Variants in GSE1 observed in about 807,000 individuals in gnomAD.
GSE1 encodes Gse1 coiled-coil protein.
In GSE1, 32 loss-of-function variants were observed where a neutral mutation model predicts 112.6. The ratio of observed to expected loss-of-function variants is 0.28; its 90% CI spans 0.21 to 0.38. The LOEUF (loss-of-function observed/expected upper bound fraction) is 0.38. GSE1 is among the 10% of genes least tolerant of loss of function. The pLI is 1.00. For missense variants in GSE1, 2,348 were observed against 1,699.2 expected (o/e 1.38, Z -6.71); for synonymous variants, 1,115 against 735.6 (o/e 1.52, Z -8.35).
chr16:85,169,698 G>A lies in GSE1; in HGVS notation c.174G>A (p.Ala58=), dbSNP rs1307095364. Residue 58 remains alanine, a synonymous_variant, in exon 1 of 3, where the codon GCG becomes GCA. Transcript: ENST00000637419. ...CGGCGGCGGGCGCGGGGACCCCGGC[G>A]CAGCCCTTCTTCCCGTTCCTGCAGC... The A allele has an allele frequency of 2.8e-5, 28 of 983,438 alleles. No homozygotes were observed. The East Asian group carries it at 2.8e-3, about 97-fold the overall frequency. The allele number at this position is 983,438 out of a possible 1,614,324, so 60.9% of individuals were successfully genotyped here.
At chr16:85,642,559 A>G (rs942472500) in intron 2 of GSE1, among the ~76,000 whole-genome samples, 7 of 152,210 alleles carry the variant, frequency 4.6e-5, no homozygotes, top group African/African-American at 7.2e-5. Context: ...CTCCATCGGC[A>G]GCATGGGCTA....
At chr16:85,661,851 C>T (rs1034742727) in intron 9 of GSE1, 86 bp downstream of exon 9, 20 of 1,302,828 alleles carry the variant, frequency 1.5e-5, no homozygotes, top group Non-Finnish European at 1.9e-5. Context: ...CTGCCCCTCT[C>T]CGTCCACTCC....
At chr16:85,296,031 T>C (rs1023991940) in intron 1 of GSE1, among the ~76,000 whole-genome samples, 5 of 152,152 alleles carry the variant, frequency 3.3e-5, no homozygotes, top group African/African-American at 1.2e-4. Flanking sequence ...ACAGCTCTCC[T>C]CGGAGCCAGT....
intron 1 of GSE1, among the ~76,000 whole-genome samples, chr16:85,261,962 G>A (rs1173141914): frequency 2.0e-5 from 3 of 152,142 alleles, no homozygotes; most frequent in Admixed American, 1.3e-4. Flanking sequence ...CATGCCTTAT[G>A]TCGGGATGTT....
chr16:85,672,541 G>A lies in GSE1; in HGVS notation c.*2G>A, dbSNP rs150429647. On this transcript the variant is annotated 3_prime_UTR_variant, in exon 16 of 16. Transcript: ENST00000253458. ...TACCTGAAGGGATATCCCAGGTGAC[G>A]GTTTCCCTTGCACTAGGCCGAACCT... 1,263 of 1,600,000 alleles carry A rather than the reference G, an allele frequency of 7.9e-4. 6 individuals are homozygous for A. In the African/African-American group the frequency reaches 0.013, roughly 16 times the overall value.
chr16:85,387,972 A>G, intron 2 of GSE1, among the ~76,000 whole-genome samples: 1 of 133,968 alleles, frequency 7.5e-6, no homozygotes, highest in Non-Finnish European at 1.6e-5. Flanking sequence ...GGGTAGGTAG[A>G]TGGGTGAGTG....
At chr16:85,613,292 C>A (rs551030631), upstream of GSE1, 25 of 1,539,832 alleles carry the variant, frequency 1.6e-5, no homozygotes, top group Non-Finnish European at 2.0e-5. Flanking sequence ...CCCGAGCTGC[C>A]GCCGCCGAGC....
intron 1 of GSE1, among the ~76,000 whole-genome samples, chr16:85,296,284 C>G (rs1324968338): frequency 6.6e-6 from 1 of 152,138 alleles, no homozygotes; most frequent in African/African-American, 2.4e-5. Flanking sequence ...CACCCAGGCA[C>G]AAAGCGGGGT....
At chr16:85,449,681 G>A (rs1227737202) in intron 2 of GSE1, among the ~76,000 whole-genome samples, 2 of 152,218 alleles carry the variant, frequency 1.3e-5, no homozygotes, top group Admixed American at 1.3e-4. Context: ...CTTTGAGGAG[G>A]GGCCAGGTGT....
At chr16:85,292,042 C>T (rs964641627) in intron 1 of GSE1, among the ~76,000 whole-genome samples, 5 of 152,184 alleles carry the variant, frequency 3.3e-5, no homozygotes, top group Admixed American at 1.3e-4. Context: ...CCCCCATATT[C>T]CCAGCTACTT....
At chr16:85,626,274 G>C (rs538220884) in intron 1 of GSE1, among the ~76,000 whole-genome samples, 2 of 152,146 alleles carry the variant, frequency 1.3e-5, no homozygotes, top group African/African-American at 4.8e-5. Flanking sequence ...CTTGGAGCAC[G>C]TGGAGGGCAG....
upstream of GSE1, chr16:85,555,394 AG>A (rs879910037): frequency 2.0e-4 from 176 of 892,390 alleles, no homozygotes; most frequent in Middle Eastern, 1.2e-3. Context: ...TAACCAAAAA[AG>A]GGGGGGGAGG....
At chr16:85,346,825 A>G (rs113733138) in intron 1 of GSE1, among the ~76,000 whole-genome samples, 4,286 of 141,344 alleles carry the variant, frequency 0.03, 195 homozygotes, top group African/African-American at 0.11. Flanking sequence ...TGGTGGATGG[A>G]TGGATGGATG....
chr16:85,383,814 G>A (rs1197601085), intron 2 of GSE1, among the ~76,000 whole-genome samples: 1 of 152,188 alleles, frequency 6.6e-6, no homozygotes. Context: ...TCATCCAGCC[G>A]AGAATGGGAG....
chr16:85,560,260 C>G (rs1224603722), intron 1 of GSE1, among the ~76,000 whole-genome samples: 2 of 151,920 alleles, frequency 1.3e-5, no homozygotes, highest in African/African-American at 4.8e-5. Context: ...CTCAGCCTCC[C>G]AAGTAGCTGG....
Position 85,568,430 on chromosome 16 carries a change from C to T in GSE1, c.37+12067C>T, listed in dbSNP as rs149600593. 5.4e-3 allele frequency among the ~76,000 whole-genome samples: 824 copies of T among 152,300 alleles called. 5 individuals are homozygous for T. The highest frequency in any genetic ancestry group is 0.019 in the African/African-American group (783 of 41,560). On this transcript the variant is annotated intron_variant, in intron 1 of 2. Transcript: ENST00000635906. ...TTTCTTGTCACAGAGGCAAGATGGG[C>T]CCCTCACTGGATCAGTGGGAAGATG...
At chr16:85,246,996 G>A (rs1032862117) in intron 1 of GSE1, among the ~76,000 whole-genome samples, 1 of 152,046 alleles carries the variant, frequency 6.6e-6, no homozygotes, top group Non-Finnish European at 1.5e-5. Context: ...CTCGGGGGTG[G>A]GGGTCCCTAG....
chr16:85,341,248 C>G (rs1010412570), intron 1 of GSE1, among the ~76,000 whole-genome samples: 1 of 151,814 alleles, frequency 6.6e-6, no homozygotes, highest in African/African-American at 2.4e-5. Context: ...GGTTAGAGTG[C>G]AGTGGATCTC....
At chr16:85,608,718 C>G (rs755607868), upstream of GSE1, among the ~76,000 whole-genome samples, 7 of 152,218 alleles carry the variant, frequency 4.6e-5, no homozygotes, top group Non-Finnish European at 8.8e-5. Flanking sequence ...GCCTGCCTTG[C>G]AGGGCCGGGA....
Sources: gnomAD v4.1 joint callset for allele counts (sites outside exome capture counted in the v4.1 genomes callset) on GRCh38, gnomAD v4.1.1 for gene constraint, MANE v1.5 for transcripts, NCBI Gene and HGNC (gene_info 2026-07-23, HGNC 2026-07-21) for gene names.